Variants in RNF168 observed in about 807,000 individuals in gnomAD.
RNF168 encodes E3 ubiquitin-protein ligase RNF168.
In RNF168, 34 loss-of-function variants were observed where a neutral mutation model predicts 34.9. That is an observed-to-expected ratio of 0.97 (90% CI 0.74 to 1.30). RNF168 has a LOEUF of 1.30. Among genes scored for constraint, RNF168 ranks in the 50% most tolerant of loss-of-function variants. The pLI is 0.00. For synonymous variants in RNF168, 264 were observed against 254.7 expected (o/e 1.04, Z -0.35); for missense variants, 725 against 682.5 (o/e 1.06, Z -0.69).
chr3:196,487,380 G>T lies in RNF168; in HGVS notation c.558+19C>A, dbSNP rs368041572. 1.2e-6 allele frequency: 2 copies of T among 1,605,052 alleles called. No homozygotes were observed. Among genetic ancestry groups the T allele is most frequent in the South Asian group, 1.1e-5 (1 of 90,892 alleles). ...TACCAAGGGATGACCATACCTTAGC[G>T]TTCCCTCCTAAAACTTACAATATCA... On this transcript the variant is annotated intron_variant, in intron 3 of 5. Coordinates refer to ENST00000318037, the MANE Select transcript of RNF168 (RefSeq NM_152617.4).
At position 196,503,295 on chromosome 3, in the gene RNF168, C is replaced by T. The variant is rs1052708537; in HGVS notation, c.-122G>A. On this transcript the variant is annotated 5_prime_UTR_variant, in exon 1 of 6. An upstream open reading frame in the 5' UTR loses its in-frame stop. Coordinates refer to ENST00000318037, the MANE Select transcript of RNF168 (RefSeq NM_152617.4). ...TTCAGTATTATGCCCAGAAGCGTAT[C>T]AGAATTCGGAGAACAGGAGCATCCA... The T allele has an allele frequency of 6.8e-6, 6 of 876,466 alleles. No individual in the cohort carries two copies. Among genetic ancestry groups the T allele is most frequent in the African/African-American group, 1.7e-5 (1 of 59,648 alleles). 54.3% of individuals were successfully genotyped at this position (876,466 alleles called of 1,614,324 possible).
At chr3:196,496,534 C>T (rs1732747474) in intron 1 of RNF168, among the ~76,000 whole-genome samples, 1 of 151,996 alleles carries the variant, frequency 6.6e-6, no homozygotes, top group African/African-American at 2.4e-5. Context: ...ATTTTAACTT[C>T]ATTACTGAAA....
chr3:196,502,902 C>T lies in RNF168; in HGVS notation c.272G>A (p.Arg91Lys). Residue 91 changes from arginine to lysine, a missense_variant, in exon 1 of 6, where the codon AGA (arginine) becomes AAA (lysine). Transcript: ENST00000318037. ...QKHYPRECKL[R>K]ASGQESEEVA... ...TTCCTCTGATTCTTGGCCAGACGCTCTAAGCTTGCACTCCCTGGGATAGTG... is the reference window on the plus strand; with the variant it reads ...TTCCTCTGATTCTTGGCCAGACGCTTTAAGCTTGCACTCCCTGGGATAGTG... 1 of 1,614,134 alleles carries T rather than the reference C, an allele frequency of 6.2e-7. No homozygotes were observed. Among genetic ancestry groups the T allele is most frequent in the South Asian group, 1.1e-5 (1 of 91,078 alleles).
chr3:196,483,009 G>GT (rs1228479973), intron 4 of RNF168, among the ~76,000 whole-genome samples: 1 of 151,566 alleles, frequency 6.6e-6, no homozygotes, highest in Non-Finnish European at 1.5e-5. Flanking sequence ...ACAGCATATT[G>GT]TATCAATATG....
rs1731995710 is a variant in RNF168, at chr3:196,471,227, A to AAAAAAT, written c.*591_*592insATTTTT. On this transcript the variant is annotated 3_prime_UTR_variant, in exon 6 of 6. Transcript: ENST00000318037. ...AAAAAAAAAAAAAAAAAAAAAAAAA[A>AAAAAAT]AATCTGGGATTTCCCACATATGAAT... 1 of 143,980 alleles carries AAAAAAT rather than the reference A, an allele frequency of 6.9e-6. No individual in the cohort carries two copies. Among genetic ancestry groups the AAAAAAT allele is most frequent in the Non-Finnish European group, 1.5e-5 (1 of 66,768 alleles). 8.9% of individuals were successfully genotyped at this position (143,980 alleles called of 1,614,324 possible). A position where few individuals can be genotyped will look rare whatever the true frequency, so the allele number is the denominator to read the frequency against.
chr3:196,503,706 C>G lies in RNF168; in HGVS notation c.-533G>C, dbSNP rs1252649660. On this transcript the variant is annotated 5_prime_UTR_variant, in exon 1 of 6. Coordinates refer to ENST00000318037, the MANE Select transcript of RNF168 (RefSeq NM_152617.4). ...CGCAGTTTCCCAGAGCTCCGCGCCC[C>G]CGTCCCTCCTACGCAGCCAGAAACC... 5.5e-6 allele frequency: 1 copy of G among 182,172 alleles called. No individual in the cohort carries two copies. Among genetic ancestry groups the G allele is most frequent in the African/African-American group, 2.4e-5 (1 of 41,696 alleles). 11.3% of individuals were successfully genotyped at this position (182,172 alleles called of 1,614,324 possible).
intron 1 of RNF168, among the ~76,000 whole-genome samples, chr3:196,491,452 C>T (rs1732593588): frequency 6.6e-6 from 1 of 152,130 alleles, no homozygotes. Flanking sequence ...AGTTTGAGAC[C>T]AGCCTGACCA....
In RNF168 at chr3:196,478,471, ATCT is replaced by A. The variant is rs980019254; in HGVS notation, c.681-3162_681-3160del. ...ATCACGTTCCCTTTTCTGTCTGTTA[ATCT>A]TCTTCCGACATGTGGCTCCACGGGA... is the stretch of plus-strand genomic sequence containing the variant. On this transcript the variant is annotated intron_variant, in intron 4 of 5. Transcript: ENST00000318037. Among the ~76,000 whole-genome samples, 13 of 152,222 alleles carry A rather than the reference ATCT, an allele frequency of 8.5e-5. No individual in the cohort carries two copies. The East Asian group carries it at 9.7e-4, about 11-fold the overall frequency.
intron 2 of RNF168, among the ~76,000 whole-genome samples, chr3:196,488,298 T>A (rs570775818): frequency 9.2e-5 from 14 of 151,844 alleles, no homozygotes; most frequent in Admixed American, 7.2e-4. Context: ...TGGTGAACAC[T>A]GTGAAACCCC....
rs115966018 is a variant in RNF168 at position 196,473,985 on chromosome 3, C to T, written c.763-1213G>A. ...TAAGAAATAATTGACCCTTACAGGGCATGTGGTCTCAAAGTAGTTAATACA... is the reference window on the plus strand; with the variant it reads ...TAAGAAATAATTGACCCTTACAGGGTATGTGGTCTCAAAGTAGTTAATACA... On this transcript the variant is annotated intron_variant, in intron 5 of 5. Transcript: ENST00000318037. Among the ~76,000 whole-genome samples, 536 of 152,250 alleles carry T rather than the reference C, an allele frequency of 3.5e-3. 1 individual carries two copies. Among genetic ancestry groups the T allele is most frequent in the African/African-American group, 0.012 (483 of 41,556 alleles).
chr3:196,472,090 G>A lies in RNF168; in HGVS notation c.1445C>T (p.Pro482Leu), dbSNP rs372032756. The A allele has an allele frequency of 6.2e-7, 1 of 1,613,542 alleles. No homozygotes were observed. Among genetic ancestry groups the A allele is most frequent in the Non-Finnish European group, 8.5e-7 (1 of 1,179,654 alleles). Residue 482 changes from proline to leucine, a missense_variant, in exon 6 of 6, where the codon CCT (proline) becomes CTT (leucine). Pro to Leu is a moderately conservative substitution (Grantham distance 98, BLOSUM62 -3). Transcript: ENST00000318037. ...CTGTCCATTTAGCACTTTGTCTGGA[G>A]GGGAGGATGTAGCGCGTAAGTGATA... The part of the protein sequence containing the change: ...DEYHLRATSS[P>L]PDKVLNGQRK...
At chr3:196,501,307 G>A (rs975746945) in intron 1 of RNF168, among the ~76,000 whole-genome samples, 1 of 151,960 alleles carries the variant, frequency 6.6e-6, no homozygotes, top group African/African-American at 2.4e-5. Context: ...TTCAAATAAC[G>A]AAAAGGTGAA....
intron 2 of RNF168, among the ~76,000 whole-genome samples, chr3:196,488,317 TA>T (rs1285926758): frequency 6.6e-6 from 1 of 151,726 alleles, no homozygotes; most frequent in Admixed American, 6.6e-5. Flanking sequence ...CCATCTCTAC[TA>T]AAAATACAAA....
rs140282652 is a variant in RNF168 at position 196,487,287 on chromosome 3, T to C, written c.558+112A>G. On this transcript the variant is annotated intron_variant, in intron 3 of 5. Coordinates refer to ENST00000318037, the MANE Select transcript of RNF168 (RefSeq NM_152617.4). ...CAGCCTGGGGTGGAAAAGACAATAT[T>C]TGTGGGATGCAGAACCTGGAAATAC... 1.8e-3 allele frequency: 1,715 copies of C among 955,482 alleles called. 1 individual carries two copies. Among genetic ancestry groups the C allele is most frequent in the Non-Finnish European group, 2.2e-3 (1,270 of 583,736 alleles). The allele number at this position is 955,482 out of a possible 1,614,324, so 59.2% of individuals were successfully genotyped here. A position where few individuals can be genotyped will look rare whatever the true frequency, so the allele number is the denominator to read the frequency against.
chr3:196,487,846 C>CA lies in RNF168; in HGVS notation c.379-269dup, dbSNP rs151132753. On this transcript the variant is annotated intron_variant, in intron 2 of 5. Coordinates refer to ENST00000318037, the MANE Select transcript of RNF168 (RefSeq NM_152617.4). ...TTATACACAAAATTTTGAAGACTAA[C>CA]AAAAAAAGAGAAAAATCTCTATTTA... Among the ~76,000 whole-genome samples, 421 of 151,858 alleles carry CA rather than the reference C, an allele frequency of 2.8e-3. 23 individuals are homozygous for CA. In the South Asian group the frequency reaches 0.071, roughly 26 times the overall value.
chr3:196,474,000 T>C (rs1056079734), intron 5 of RNF168, among the ~76,000 whole-genome samples: 2 of 152,166 alleles, frequency 1.3e-5, no homozygotes, highest in African/African-American at 4.8e-5. Context: ...GGTCTCAAAG[T>C]AGTTAATACA....
intron 1 of RNF168, among the ~76,000 whole-genome samples, chr3:196,497,259 A>T (rs529798404): frequency 1.3e-5 from 2 of 152,360 alleles, no homozygotes; most frequent in South Asian, 4.1e-4. Flanking sequence ...TTTTTTAAAA[A>T]GTCTTTTCAA....
In RNF168 at chr3:196,487,434, C is replaced by T; in HGVS notation, c.523G>A (p.Asp175Asn). 1 of 1,614,206 alleles carries T rather than the reference C, an allele frequency of 6.2e-7. No individual in the cohort carries two copies. Among genetic ancestry groups the T allele is most frequent in the African/African-American group, 1.3e-5 (1 of 75,066 alleles). Residue 175 changes from aspartate (D) to asparagine (N), a missense_variant, in exon 3 of 6, where the codon GAT (aspartate) becomes AAT (asparagine). Physicochemically the swap from Asp to Asn is conservative, Grantham distance 23 (BLOSUM62 1). Coordinates refer to ENST00000318037, the MANE Select transcript of RNF168 (RefSeq NM_152617.4). ...RRAMEEQLKS[D>N]EELARKLSID... is the part of the protein sequence containing the mutation. ...CTTAGCTTTCTTGCCAGTTCCTCAT[C>T]ACTTTTCAGTTGTTCTTCCATCGCT...
chr3:196,499,729 G>C (rs1261379445), intron 1 of RNF168, among the ~76,000 whole-genome samples: 1 of 152,154 alleles, frequency 6.6e-6, no homozygotes, highest in South Asian at 2.1e-4. Context: ...GCTGAGGCAG[G>C]AGAATGCCCA....
Sources: gnomAD v4.1 joint callset for allele counts (sites outside exome capture counted in the v4.1 genomes callset) on GRCh38, gnomAD v4.1.1 for gene constraint, MANE v1.5 for transcripts, NCBI Gene and HGNC (gene_info 2026-07-23, HGNC 2026-07-21) for gene names.